Variants in GRB10 observed in about 807,000 individuals in gnomAD.
GRB10 encodes the protein growth factor receptor bound protein 10.
In GRB10, 20 loss-of-function variants were observed where a neutral mutation model predicts 80.9. The observed-to-expected ratio is 0.25, with a 90% confidence interval of 0.17 to 0.36. The LOEUF (loss-of-function observed/expected upper bound fraction) is 0.36. Among genes scored for constraint, GRB10 ranks in the 10% least tolerant of loss-of-function variants. The pLI is 1.00. For synonymous variants in GRB10, 291 were observed against 291.5 expected (o/e 1.00, Z 0.02); for missense variants, 548 against 747.7 (o/e 0.73, Z 3.12).
intron 1 of GRB10, chr7:50,792,330 A>G (rs534295069): frequency 2.6e-6 from 1 of 391,950 alleles, no homozygotes; most frequent in East Asian, 3.6e-5. Flanking sequence ...CCCTGTAAAA[A>G]TCACCTGTGG....
chr7:50,691,030 C>T lies in GRB10; in HGVS notation c.139+12791G>A, dbSNP rs557961082. ...TGGGGCAAAACAAAGAGAACACAGG[C>T]TCCTCAATGCCTTTTTTGTTCCTAT... On this transcript the variant is annotated intron_variant, in intron 5 of 18. Transcript: ENST00000401949. 1.6e-4 allele frequency among the ~76,000 whole-genome samples: 24 copies of T among 152,290 alleles called. No individual in the cohort carries two copies. In the East Asian group the frequency reaches 4.4e-3, roughly 28 times the overall value.
rs2063518150 is a variant in GRB10 at position 50,697,052 on chromosome 7, TA to T, written c.139+6768del. Among the ~76,000 whole-genome samples, 11 of 152,348 alleles carry T rather than the reference TA, an allele frequency of 7.2e-5. No homozygotes were observed. The South Asian group carries it at 2.3e-3, about 32-fold the overall frequency. On this transcript the variant is annotated intron_variant, in intron 5 of 18. Coordinates refer to ENST00000401949, the MANE Select transcript of GRB10 (RefSeq NM_001350814.2). ...TGAAGACATGCTGAGCGAAGCCAGTTACAAAAGGACAAATAGTGTATGGTCC... is the reference window on the plus strand; with the variant it reads ...TGAAGACATGCTGAGCGAAGCCAGTTCAAAAGGACAAATAGTGTATGGTCC...
At chr7:50,749,649 G>A (rs553712947) in intron 3 of GRB10, among the ~76,000 whole-genome samples, 16 of 152,234 alleles carry the variant, frequency 1.1e-4, no homozygotes, top group African/African-American at 3.9e-4. Flanking sequence ...TCTAAACACT[G>A]CAATAACTAG....
intron 7 of GRB10, among the ~76,000 whole-genome samples, chr7:50,627,706 G>A (rs967754020): frequency 2.0e-5 from 3 of 152,228 alleles, no homozygotes; most frequent in Middle Eastern, 3.2e-3. Context: ...TTCCAGGCAA[G>A]ACCCTGCAGC....
intron 7 of GRB10, chr7:50,645,773 T>C (rs529767864): frequency 1.4e-4 from 37 of 267,546 alleles, no homozygotes; most frequent in African/African-American, 7.8e-4. Flanking sequence ...AAGTGATAGA[T>C]TGCCTGGACA....
At chr7:50,672,640 C>T (rs577743503) in intron 6 of GRB10, among the ~76,000 whole-genome samples, 185 of 152,274 alleles carry the variant, frequency 1.2e-3, no homozygotes, top group African/African-American at 4.3e-3. Flanking sequence ...CAGGTAGTCC[C>T]GGGGCACATA....
At chr7:50,718,038 C>T (rs569582601) in intron 4 of GRB10, among the ~76,000 whole-genome samples, 2 of 152,340 alleles carry the variant, frequency 1.3e-5, no homozygotes, top group South Asian at 4.1e-4. Context: ...AGGGAGGAGG[C>T]CAGGGACTCA....
chr7:50,772,786 G>A (rs189478326), intron 2 of GRB10, among the ~76,000 whole-genome samples: 99 of 152,282 alleles, frequency 6.5e-4, no homozygotes, highest in African/African-American at 2.1e-3. Flanking sequence ...ATTTTTGTGC[G>A]TCATAGGACA....
chr7:50,717,966 C>T (rs1489148345), intron 4 of GRB10, among the ~76,000 whole-genome samples: 4 of 152,202 alleles, frequency 2.6e-5, no homozygotes, highest in Admixed American at 6.5e-5. Flanking sequence ...CAGTTCTGAT[C>T]CCCCCAGGCA....
intron 6 of GRB10, among the ~76,000 whole-genome samples, chr7:50,672,931 T>G (rs1385124006): frequency 6.6e-6 from 1 of 152,098 alleles, no homozygotes; most frequent in Admixed American, 6.5e-5. Flanking sequence ...TCATTCAGCA[T>G]CAATGAATAT....
At chr7:50,758,147 C>G (rs1176107581) in intron 2 of GRB10, among the ~76,000 whole-genome samples, 1 of 152,172 alleles carries the variant, frequency 6.6e-6, no homozygotes, top group Admixed American at 6.5e-5. Context: ...GTCCGCCCAT[C>G]AACACACAGG....
At chr7:50,719,040 T>C (rs2067307243) in intron 4 of GRB10, among the ~76,000 whole-genome samples, 1 of 152,224 alleles carries the variant, frequency 6.6e-6, no homozygotes, top group Admixed American at 6.5e-5. Context: ...ACATGAGTGT[T>C]TAAAGCAACA....
At chr7:50,658,495 C>A (rs1018350184) in intron 7 of GRB10, among the ~76,000 whole-genome samples, 8 of 152,184 alleles carry the variant, frequency 5.3e-5, no homozygotes, top group Admixed American at 1.3e-4. Flanking sequence ...TGACTGCACA[C>A]TGCCCTTGCC....
intron 2 of GRB10, among the ~76,000 whole-genome samples, chr7:50,763,877 C>G (rs749464549): frequency 2.6e-5 from 4 of 152,204 alleles, no homozygotes; most frequent in Non-Finnish European, 5.9e-5. Flanking sequence ...CTTAACCAGC[C>G]CTAGCTCTGG....
chr7:50,729,379 T>C (rs1281330329), intron 4 of GRB10: 1 of 152,272 alleles, frequency 6.6e-6, no homozygotes, highest in African/African-American at 2.4e-5. Flanking sequence ...AAGCACATTT[T>C]ATTTCCTATT....
chr7:50,683,126 T>C (rs2061723025), intron 5 of GRB10, among the ~76,000 whole-genome samples: 1 of 152,142 alleles, frequency 6.6e-6, no homozygotes, highest in Non-Finnish European at 1.5e-5. Context: ...ATACACACAA[T>C]GGAATATTAT....
chr7:50,773,483 CAGGGGAGGGG>C (rs55866161), intron 2 of GRB10, among the ~76,000 whole-genome samples: 1 of 43,338 alleles, frequency 2.3e-5, no homozygotes, highest in Non-Finnish European at 4.0e-5. Flanking sequence ...GAGGGGAAGG[CAGGGGAGGGG>C]AGGGGAGGGG....
At chr7:50,757,885 C>G (rs551774043) in intron 2 of GRB10, among the ~76,000 whole-genome samples, 1 of 152,350 alleles carries the variant, frequency 6.6e-6, no homozygotes, top group African/African-American at 2.4e-5. Flanking sequence ...CATCTTCAGG[C>G]ATGTGGCTTC....
intron 4 of GRB10, among the ~76,000 whole-genome samples, chr7:50,704,588 A>T (rs548813034): frequency 6.6e-6 from 1 of 152,264 alleles, no homozygotes; most frequent in African/African-American, 2.4e-5. Flanking sequence ...TTTATGATGC[A>T]TATGTACCAC....
Sources: gnomAD v4.1 joint callset for allele counts (sites outside exome capture counted in the v4.1 genomes callset) on GRCh38, gnomAD v4.1.1 for gene constraint, MANE v1.5 for transcripts, NCBI Gene and HGNC (gene_info 2026-07-23, HGNC 2026-07-21) for gene names.